The following RHOJ variants were observed in gnomAD, a reference collection of about 807,000 sequenced individuals.
The protein encoded by RHOJ is rho-related GTP-binding protein RhoJ.
RHOJ carries 11 observed loss-of-function variants against 23.4 expected under a neutral mutation model. The ratio of observed to expected loss-of-function variants is 0.47; its 90% confidence interval spans 0.30 to 0.78. The LOEUF (loss-of-function observed/expected upper bound fraction) is 0.78, where lower values mean the gene tolerates loss of function less well. Among genes scored for constraint, RHOJ ranks in the 30% least tolerant of loss-of-function variants. The probability of loss-of-function intolerance (pLI) is 0.08; values close to 1 mark genes in which losing one functional copy is unlikely to be tolerated. For synonymous variants in RHOJ, 102 were observed against 102.7 expected (o/e 0.99, Z 0.04); for missense variants, 254 against 273.4 (o/e 0.93, Z 0.50).
chr14:63,265,350 CT>C (rs1895347878), intron 1 of RHOJ, among the ~76,000 whole-genome samples: 1 of 152,080 alleles, frequency 6.6e-6, no homozygotes, highest in Non-Finnish European at 1.5e-5. Flanking sequence ...AGTTTTATTT[CT>C]GGGTTCTCTA....
intron 1 of RHOJ, among the ~76,000 whole-genome samples, chr14:63,261,197 T>C (rs1258001492): frequency 6.6e-6 from 1 of 152,206 alleles, no homozygotes; most frequent in Non-Finnish European, 1.5e-5. Context: ...TTTATATTTA[T>C]TTCTTTGTAA....
intron 1 of RHOJ, among the ~76,000 whole-genome samples, chr14:63,245,239 A>G (rs1345265058): frequency 6.6e-6 from 1 of 152,144 alleles, no homozygotes; most frequent in Admixed American, 6.6e-5. Context: ...ACTACATTTT[A>G]GTTATCACAT....
intron 4 of RHOJ, among the ~76,000 whole-genome samples, chr14:63,284,757 C>A (rs956482057): frequency 5.3e-5 from 8 of 152,218 alleles, no homozygotes; most frequent in Non-Finnish European, 2.9e-5. Context: ...TGGCCGGCAC[C>A]AGCTTCTTGC....
At position 63,204,904 on chromosome 14, in the gene RHOJ, G is replaced by A; in HGVS notation, c.35G>A (p.Gly12Asp). 6.2e-7 allele frequency: 1 copy of A among 1,614,096 alleles called. No homozygotes were observed. Among genetic ancestry groups the A allele is most frequent in the East Asian group, 2.2e-5 (1 of 44,870 alleles). Residue 12 changes from glycine to aspartate, a missense_variant, in exon 1 of 5, where the codon GGC (glycine) becomes GAC (aspartate). Physicochemically the swap from Gly to Asp is moderately conservative, Grantham distance 94 (BLOSUM62 -1). Coordinates refer to ENST00000316754, the MANE Select transcript of RHOJ (RefSeq NM_020663.5). ...AAAGAGGGAACTGACAGCAGCTGCG[G>A]CTGCAGGGGCAACGACGAGAAGAAG... is the stretch of plus-strand genomic sequence containing the variant. The part of the protein sequence containing the change: ...NCKEGTDSSC[G>D]CRGNDEKKML...
intron 1 of RHOJ, among the ~76,000 whole-genome samples, chr14:63,218,440 C>A (rs1566605907): frequency 6.6e-6 from 1 of 152,140 alleles, no homozygotes; most frequent in African/African-American, 2.4e-5. Context: ...TTAAAGGATG[C>A]ATTTTCGTCC....
intron 1 of RHOJ, among the ~76,000 whole-genome samples, chr14:63,262,211 A>G (rs766715688): frequency 5.9e-5 from 9 of 152,202 alleles, no homozygotes; most frequent in African/African-American, 1.2e-4. Context: ...CAGGGCATGA[A>G]CGACACTTCC....
At chr14:63,262,946 A>T (rs1895298802) in intron 1 of RHOJ, among the ~76,000 whole-genome samples, 1 of 152,246 alleles carries the variant, frequency 6.6e-6, no homozygotes. Flanking sequence ...ATGTGCACTG[A>T]GTATTCAGTG....
chr14:63,267,092 C>A (rs1037741107), intron 1 of RHOJ, among the ~76,000 whole-genome samples: 1 of 152,196 alleles, frequency 6.6e-6, no homozygotes, highest in African/African-American at 2.4e-5. Context: ...CTGCTCCTAC[C>A]ATTGAGTTCA....
intron 1 of RHOJ, among the ~76,000 whole-genome samples, chr14:63,206,129 A>C (rs559366910): frequency 6.6e-6 from 1 of 152,272 alleles, no homozygotes; most frequent in South Asian, 2.1e-4. Context: ...TTCTATAGAA[A>C]GTAGCTTCTT....
At chr14:63,245,583 A>T (rs1245937032) in intron 1 of RHOJ, among the ~76,000 whole-genome samples, 1 of 152,138 alleles carries the variant, frequency 6.6e-6, no homozygotes. Flanking sequence ...ACTTAAGCCC[A>T]GGAGTTTGAG....
chr14:63,273,972 G>C (rs1465634485), intron 2 of RHOJ, among the ~76,000 whole-genome samples: 1 of 152,194 alleles, frequency 6.6e-6, no homozygotes, highest in Admixed American at 6.5e-5. Flanking sequence ...GTCTGTGGGA[G>C]TAGAGAAGCA....
chr14:63,204,587 G>A lies in RHOJ; in HGVS notation c.-283G>A, dbSNP rs942167309. Reference sequence around the variant, plus strand: ...GCTGCTGAAATTTCTAGGCTGTTAGGAAGCCCCTCGAATTCTGTGAAAATG... The same window carrying A: ...GCTGCTGAAATTTCTAGGCTGTTAGAAAGCCCCTCGAATTCTGTGAAAATG... On this transcript the variant is annotated 5_prime_UTR_variant, in exon 1 of 5. Coordinates refer to ENST00000316754, the MANE Select transcript of RHOJ (RefSeq NM_020663.5). The A allele has an allele frequency of 6.6e-6, 3 of 451,156 alleles. No homozygotes were observed. Among genetic ancestry groups the A allele is most frequent in the African/African-American group, 6.0e-5 (3 of 50,300 alleles). The allele number at this position is 451,156 out of a possible 1,614,324, so 27.9% of individuals were successfully genotyped here.
At chr14:63,265,681 C>A (rs1394315286) in intron 1 of RHOJ, among the ~76,000 whole-genome samples, 2 of 152,226 alleles carry the variant, frequency 1.3e-5, no homozygotes, top group Non-Finnish European at 2.9e-5. Flanking sequence ...GAGAACATGT[C>A]CCCAAGATGG....
chr14:63,278,368 C>T (rs1389199553), intron 2 of RHOJ, among the ~76,000 whole-genome samples: 2 of 152,122 alleles, frequency 1.3e-5, no homozygotes, highest in African/African-American at 4.8e-5. Context: ...AAGGTACTTC[C>T]TTTCAGTCTC....
At chr14:63,230,144 C>T (rs1490915288) in intron 1 of RHOJ, among the ~76,000 whole-genome samples, 1 of 150,952 alleles carries the variant, frequency 6.6e-6, no homozygotes, top group African/African-American at 2.4e-5. Flanking sequence ...TGTGTATGGA[C>T]AATCCTAAAA....
At chr14:63,236,326 C>G (rs908930987) in intron 1 of RHOJ, among the ~76,000 whole-genome samples, 1 of 152,166 alleles carries the variant, frequency 6.6e-6, no homozygotes, top group African/African-American at 2.4e-5. Flanking sequence ...AGTCCGTTTT[C>G]ACGCTGCTGA....
chr14:63,255,774 C>T (rs1281996232), intron 1 of RHOJ, among the ~76,000 whole-genome samples: 1 of 152,206 alleles, frequency 6.6e-6, no homozygotes, highest in Non-Finnish European at 1.5e-5. Context: ...GCCTTGACTT[C>T]ACCAAGAATG....
intron 1 of RHOJ, among the ~76,000 whole-genome samples, chr14:63,218,902 T>A (rs1038095654): frequency 5.3e-5 from 8 of 152,228 alleles, no homozygotes; most frequent in African/African-American, 1.9e-4. Context: ...TATATGTAGT[T>A]CCTCAAGTAA....
rs189989829 is a variant in RHOJ at position 63,269,048 on chromosome 14, G to C, written c.179-62G>C. 8.7e-5 allele frequency: 101 copies of C among 1,156,220 alleles called. No individual in the cohort carries two copies. In the African/African-American group the frequency reaches 1.5e-3, roughly 17 times the overall value. 71.6% of individuals were successfully genotyped at this position (1,156,220 alleles called of 1,614,324 possible). A position where few individuals can be genotyped will look rare whatever the true frequency, so the allele number is the denominator to read the frequency against. On this transcript the variant is annotated intron_variant, in intron 1 of 4. Transcript: ENST00000316754. ...ATGCTGGCATGGAAACAATGTGAAG[G>C]CTCCTGATTGAAGCTTGTGTTTATG...
Sources: gnomAD v4.1 joint callset for allele counts (sites outside exome capture counted in the v4.1 genomes callset) on GRCh38, gnomAD v4.1.1 for gene constraint, MANE v1.5 for transcripts, NCBI Gene and HGNC (gene_info 2026-07-23, HGNC 2026-07-21) for gene names.